SLC25A20: variants seen among roughly 807,000 people sequenced by gnomAD.
SLC25A20 encodes solute carrier family 25 member 20, also known as mitochondrial carnitine/acylcarnitine carrier protein.
SLC25A20 carries 29 observed loss-of-function variants against 39.7 expected under a neutral mutation model. That is an observed-to-expected ratio of 0.73 (90% CI 0.54 to 1.00). SLC25A20 has a LOEUF of 1.00. Ranked by LOEUF, SLC25A20 falls within the 50% of genes least tolerant of loss-of-function variation. The pLI is 0.00. For missense variants in SLC25A20, 333 were observed against 379.9 expected (o/e 0.88, Z 1.03); for synonymous variants, 103 against 142.2 (o/e 0.72, Z 1.96).
chr3:48,879,752 C>T (rs1004153179), intron 3 of SLC25A20, among the ~76,000 whole-genome samples: 1 of 152,164 alleles, frequency 6.6e-6, no homozygotes, highest in Non-Finnish European at 1.5e-5. Flanking sequence ...TAAAACATGG[C>T]TTCCATCCAT....
At chr3:48,876,743 A>T (rs1237875933) in intron 4 of SLC25A20, among the ~76,000 whole-genome samples, 1 of 151,982 alleles carries the variant, frequency 6.6e-6, no homozygotes, top group Non-Finnish European at 1.5e-5. Flanking sequence ...TATTTTTAAA[A>T]TTTAAAAAAA....
At chr3:48,878,772 C>G (rs2083780112) in intron 4 of SLC25A20, among the ~76,000 whole-genome samples, 1 of 150,286 alleles carries the variant, frequency 6.7e-6, no homozygotes, top group African/African-American at 2.4e-5. Flanking sequence ...TGCACTCCAG[C>G]CTGCGAAACA....
chr3:48,897,908 C>G (rs986047382), intron 1 of SLC25A20, among the ~76,000 whole-genome samples: 1 of 152,150 alleles, frequency 6.6e-6, no homozygotes, highest in Non-Finnish European at 1.5e-5. Context: ...GGGGGATGGA[C>G]TTTGGTCCCC....
Position 48,898,803 on chromosome 3 carries a change from C to G in SLC25A20, c.-9G>C, listed in dbSNP as rs770135555. ...TTTGGCTGGTCGGCCATGGTCAGTC[C>G]GTCTGTCACTCCGTCTGTCAGTTCT... On this transcript the variant is annotated 5_prime_UTR_variant, in exon 1 of 9. Transcript: ENST00000319017. 2.8e-5 allele frequency: 44 copies of G among 1,557,674 alleles called. No individual in the cohort carries two copies. The Admixed American group carries it at 8.5e-4, about 30-fold the overall frequency.
intron 4 of SLC25A20, among the ~76,000 whole-genome samples, chr3:48,866,681 A>G (rs1380045962): frequency 6.7e-6 from 1 of 149,298 alleles, no homozygotes; most frequent in African/African-American, 2.5e-5. Flanking sequence ...TTTTTTTGAG[A>G]CAGGTTCCCG....
Position 48,859,132 on chromosome 3 carries a change from C to T in SLC25A20, c.678G>A (p.Val226=). Residue 226 remains valine (V), a synonymous_variant, in exon 7 of 9, where the codon GTG becomes GTA. Coordinates refer to ENST00000319017, the MANE Select transcript of SLC25A20 (RefSeq NM_000387.6). ...ACTTGAGCACATCTGGGGGGATTGC[C>T]ACAGCCCAGTTGAAGATCCCTGCAA... The part of the protein sequence containing the change: ...GGIAGIFNWA[V]AIPPDVLKSR... 1 of 1,614,034 alleles carries T rather than the reference C, an allele frequency of 6.2e-7. No homozygotes were observed. Among genetic ancestry groups the T allele is most frequent in the Non-Finnish European group, 8.5e-7 (1 of 1,180,008 alleles).
At chr3:48,880,933 A>C (rs1425462715) in intron 3 of SLC25A20, among the ~76,000 whole-genome samples, 1 of 152,102 alleles carries the variant, frequency 6.6e-6, no homozygotes. Flanking sequence ...ACAAAGTTAC[A>C]TTTAGCATTT....
rs2083814930 is a variant in SLC25A20 at position 48,884,122 on chromosome 3, G to A, written c.201C>T (p.Gly67=). The change falls in exon 3 of 9, where the codon GGC becomes GGT. Residue 67 remains glycine (G), a splice_region_variant and synonymous_variant. Coordinates refer to ENST00000319017, the MANE Select transcript of SLC25A20 (RefSeq NM_000387.6). ...DCFRKTLFRE[G]ITGLYRGMAA... ...CCATTCCCCGATATAGCCCCGTGATGCCCTGCAAGGAATCACAGAAGCAGA... is the reference window on the plus strand; with the variant it reads ...CCATTCCCCGATATAGCCCCGTGATACCCTGCAAGGAATCACAGAAGCAGA... 1.2e-6 allele frequency: 2 copies of A among 1,613,256 alleles called. No homozygotes were observed. The highest frequency in any genetic ancestry group is 1.3e-5 in the African/African-American group (1 of 74,898).
At chr3:48,864,562 T>A (rs567669975) in intron 4 of SLC25A20, among the ~76,000 whole-genome samples, 14 of 151,514 alleles carry the variant, frequency 9.2e-5, no homozygotes, top group Non-Finnish European at 2.1e-4. Flanking sequence ...ATCAATGGTT[T>A]TTTTTTTTTT....
intron 7 of SLC25A20, 37 bp downstream of exon 7, chr3:48,859,055 C>T: frequency 4.6e-6 from 7 of 1,538,060 alleles, no homozygotes; most frequent in African/African-American, 1.4e-5. Flanking sequence ...GCTGGGGACC[C>T]ACTCTCCCCC....
At chr3:48,877,354 C>T (rs548777194) in intron 4 of SLC25A20, among the ~76,000 whole-genome samples, 2 of 151,808 alleles carry the variant, frequency 1.3e-5, no homozygotes, top group Admixed American at 1.3e-4. Context: ...GCGGAGGTTG[C>T]GGTGAGCCAA....
chr3:48,894,610 TG>T (rs1435995009), intron 1 of SLC25A20, among the ~76,000 whole-genome samples: 1 of 151,868 alleles, frequency 6.6e-6, no homozygotes, highest in Admixed American at 6.6e-5. Context: ...CATTAAGTTT[TG>T]GGGTAAGTTG....
chr3:48,868,750 C>T (rs1018897283), intron 4 of SLC25A20, among the ~76,000 whole-genome samples: 4 of 152,140 alleles, frequency 2.6e-5, no homozygotes, highest in Non-Finnish European at 5.9e-5. Flanking sequence ...GTGGCCCCCA[C>T]CCACACCAGC....
At position 48,859,078 on chromosome 3, in the gene SLC25A20, T is replaced by C; in HGVS notation, c.718+14A>G. The stretch of plus-strand genomic sequence containing the variant: ...CCCACTCTCCCCCTGTCCACCCCAC[T>C]ACCTTCCACTCACCAGTCTGGAATC... On this transcript the variant is annotated intron_variant, in intron 7 of 8. Coordinates refer to ENST00000319017, the MANE Select transcript of SLC25A20 (RefSeq NM_000387.6). The C allele has an allele frequency of 6.2e-7, 1 of 1,608,772 alleles. No homozygotes were observed. Among genetic ancestry groups the C allele is most frequent in the Non-Finnish European group, 8.5e-7 (1 of 1,175,550 alleles).
intron 3 of SLC25A20, 21 bp from the exon 4 acceptor site, chr3:48,879,469 A>T: frequency 6.4e-7 from 1 of 1,572,018 alleles, no homozygotes; most frequent in Non-Finnish European, 8.8e-7. Flanking sequence ...AACAAAAAGC[A>T]GAAGCAAGCA....
chr3:48,894,437 T>G (rs1397727408), intron 1 of SLC25A20, among the ~76,000 whole-genome samples: 1 of 141,340 alleles, frequency 7.1e-6, no homozygotes, highest in Non-Finnish European at 1.6e-5. Context: ...ACTTTTGCAT[T>G]TTTTTTTTTT....
intron 1 of SLC25A20, 58 bp downstream of exon 1, chr3:48,898,632 T>C (rs561299253): frequency 6.0e-6 from 9 of 1,488,620 alleles, no homozygotes; most frequent in Non-Finnish European, 8.3e-6. Context: ...CGGGGGACCA[T>C]GCTTTCCGCG....
chr3:48,859,677 G>A (rs745881782), intron 5 of SLC25A20, 50 bp from the exon 6 acceptor site: 10 of 1,420,568 alleles, frequency 7.0e-6, no homozygotes, highest in Non-Finnish European at 1.0e-5. Flanking sequence ...CTCTTCGCCA[G>A]GCATGGTGGT....
chr3:48,870,648 G>T, intron 4 of SLC25A20, among the ~76,000 whole-genome samples: 1 of 149,570 alleles, frequency 6.7e-6, no homozygotes. Flanking sequence ...CACGTAGCTG[G>T]GACTACAGGC....
Sources: gnomAD v4.1 joint callset for allele counts (sites outside exome capture counted in the v4.1 genomes callset) on GRCh38, gnomAD v4.1.1 for gene constraint, MANE v1.5 for transcripts, NCBI Gene and HGNC (gene_info 2026-07-23, HGNC 2026-07-21) for gene names.